Variants in MPPED1 observed in about 807,000 individuals in gnomAD.
MPPED1 encodes the protein metallophosphoesterase domain-containing protein 1.
In MPPED1, 16 loss-of-function variants were observed where a neutral mutation model predicts 36.2. The ratio of observed to expected loss-of-function variants is 0.44; its 90% confidence interval spans 0.30 to 0.67. MPPED1 has a LOEUF of 0.67. Ranked by LOEUF, MPPED1 falls within the 30% of genes least tolerant of loss-of-function variation. The probability of loss-of-function intolerance (pLI) is 0.10; values close to 1 mark genes in which losing one functional copy is unlikely to be tolerated. For synonymous variants in MPPED1, 199 were observed against 191.3 expected (o/e 1.04, Z -0.33); for missense variants, 307 against 453.4 (o/e 0.68, Z 2.93).
intron 2 of MPPED1, among the ~76,000 whole-genome samples, chr22:43,431,368 T>A (rs569979883): frequency 2.0e-5 from 3 of 152,250 alleles, no homozygotes; most frequent in South Asian, 2.1e-4. Context: ...TGACTCTTTT[T>A]GCTCTTTCCT....
At chr22:43,467,666 A>T (rs1456766154) in intron 3 of MPPED1, among the ~76,000 whole-genome samples, 2 of 152,218 alleles carry the variant, frequency 1.3e-5, no homozygotes, top group Non-Finnish European at 2.9e-5. Context: ...GAACTGTCAA[A>T]GATGTACTAA....
chr22:43,424,228 T>G (rs1216062936), intron 1 of MPPED1, among the ~76,000 whole-genome samples: 1 of 152,018 alleles, frequency 6.6e-6, no homozygotes, highest in African/African-American at 2.4e-5. Context: ...CGGAGGAGGT[T>G]TTTGCAAAAG....
chr22:43,479,518 G>A (rs561669033), intron 4 of MPPED1, among the ~76,000 whole-genome samples: 15 of 152,326 alleles, frequency 9.8e-5, no homozygotes, highest in South Asian at 6.2e-4. Flanking sequence ...ATAGGCAGGC[G>A]CCCAGGGGAG....
chr22:43,487,579 AG>A (rs1931952253), intron 4 of MPPED1, among the ~76,000 whole-genome samples: 1 of 152,194 alleles, frequency 6.6e-6, no homozygotes, highest in African/African-American at 2.4e-5. Flanking sequence ...CCAGGGGTGC[AG>A]GCCTCTTCCC....
chr22:43,457,297 A>AT (rs1428512894), intron 3 of MPPED1, among the ~76,000 whole-genome samples: 1 of 151,794 alleles, frequency 6.6e-6, no homozygotes, highest in Non-Finnish European at 1.5e-5. Flanking sequence ...CTTCAAATCT[A>AT]TTTTTTTCTG....
intron 3 of MPPED1, among the ~76,000 whole-genome samples, chr22:43,464,291 CTGTGTGTGTGTGTGTGTG>C (rs60119589): frequency 0.038 from 5,534 of 143,902 alleles, 360 homozygotes; most frequent in African/African-American, 0.13. Context: ...TTGGTCAGCT[CTGTGTGTGTGTGTGTGTG>C]TGTGTGTGTG....
At position 43,474,953 on chromosome 22, in the gene MPPED1, C is replaced by T; in HGVS notation, c.624C>T (p.Gly208=). 3 of 1,613,906 alleles carry T rather than the reference C, an allele frequency of 1.9e-6. No homozygotes were observed. Among genetic ancestry groups the T allele is most frequent in the Non-Finnish European group, 2.5e-6 (3 of 1,179,840 alleles). Residue 208 remains glycine, a synonymous_variant, in exon 4 of 7, where the codon GGC becomes GGT. Coordinates refer to ENST00000443721, the MANE Select transcript of MPPED1 (RefSeq NM_001044370.2). The surrounding 1 kb of genome is among the most constrained non-coding windows in gnomAD (Gnocchi z 5.2). ...CCGTGCGGGGCTTCCGGATCTATGGCTCCCCATGGTGAGTGGGCCTGGGTG... is the reference window on the plus strand; with the variant it reads ...CCGTGCGGGGCTTCCGGATCTATGGTTCCCCATGGTGAGTGGGCCTGGGTG... ...EVTVRGFRIY[G]SPWQPWFYGW... is the part of the protein sequence containing the mutation.
intron 3 of MPPED1, among the ~76,000 whole-genome samples, chr22:43,440,394 G>C (rs1294048192): frequency 2.6e-5 from 4 of 152,070 alleles, no homozygotes; most frequent in Non-Finnish European, 5.9e-5. Context: ...TAGCATGCAG[G>C]CCCCCCTGGA....
intron 3 of MPPED1, among the ~76,000 whole-genome samples, chr22:43,468,504 G>A (rs1569079605): frequency 6.6e-6 from 1 of 152,174 alleles, no homozygotes; most frequent in Admixed American, 6.5e-5. Flanking sequence ...CCTACCAGAG[G>A]CTGGTCATTG....
chr22:43,436,290 C>T (rs1167774900), intron 3 of MPPED1, among the ~76,000 whole-genome samples: 1 of 152,182 alleles, frequency 6.6e-6, no homozygotes, highest in Non-Finnish European at 1.5e-5. Context: ...GGGCCGCTCA[C>T]CTTCCTGCGC....
In MPPED1 at chr22:43,412,024, T is replaced by C; in HGVS notation, c.-213T>C. On this transcript the variant is annotated 5_prime_UTR_variant, in exon 1 of 7. Coordinates refer to ENST00000443721, the MANE Select transcript of MPPED1 (RefSeq NM_001044370.2). Reference sequence around the variant, plus strand: ...AGGAGTCTGGCTCCCACTTGCAGCCTCGGACGCGCGGCGAGGCGGCCGCCG... The same window carrying C: ...AGGAGTCTGGCTCCCACTTGCAGCCCCGGACGCGCGGCGAGGCGGCCGCCG... 1 of 977,652 alleles carries C rather than the reference T, an allele frequency of 1.0e-6. No homozygotes were observed. Among genetic ancestry groups the C allele is most frequent in the East Asian group, 1.2e-4 (1 of 8,500 alleles). The allele number at this position is 977,652 out of a possible 1,614,324, so 60.6% of individuals were successfully genotyped here.
chr22:43,451,861 A>T (rs1930580968), intron 3 of MPPED1, among the ~76,000 whole-genome samples: 1 of 152,056 alleles, frequency 6.6e-6, no homozygotes, highest in South Asian at 2.1e-4. Flanking sequence ...GCTTCGGGGC[A>T]GTTGTCACAT....
At chr22:43,465,481 G>T (rs995659008) in intron 3 of MPPED1, among the ~76,000 whole-genome samples, 22 of 152,248 alleles carry the variant, frequency 1.4e-4, no homozygotes, top group African/African-American at 5.1e-4. Flanking sequence ...TGTGTTGAGT[G>T]TGTACTTATC....
In MPPED1 at chr22:43,417,447, C is replaced by CTT. The variant is rs11431981; in HGVS notation, c.-79+5304_-79+5305dup. On this transcript the variant is annotated intron_variant, in intron 1 of 6. Coordinates refer to ENST00000443721, the MANE Select transcript of MPPED1 (RefSeq NM_001044370.2). Reference sequence around the variant, plus strand: ...GCTTCTTTTCCTTTGAGTCCCTCTGCTTTTTTTTTTTTTTTTCCTTTTATG... The same window carrying CTT: ...GCTTCTTTTCCTTTGAGTCCCTCTGCTTTTTTTTTTTTTTTTTTCCTTTTATG... 1.2e-3 allele frequency among the ~76,000 whole-genome samples: 160 copies of CTT among 132,254 alleles called. 1 individual carries two copies. The Middle Eastern group carries it at 0.016, about 13-fold the overall frequency. 86.8% of individuals were successfully genotyped at this position (132,254 alleles called of 152,430 possible).
At chr22:43,451,297 G>A (rs571191499) in intron 3 of MPPED1, among the ~76,000 whole-genome samples, 1 of 152,246 alleles carries the variant, frequency 6.6e-6, no homozygotes, top group African/African-American at 2.4e-5. Flanking sequence ...GAGCCGCTGC[G>A]CCCAGCTGGT....
At chr22:43,418,868 C>T (rs115002495) in intron 1 of MPPED1, 2,023 of 152,380 alleles carry the variant, frequency 0.013, 18 homozygotes, top group East Asian at 0.053. Context: ...GAGTCTTACT[C>T]GGTGGGGCGA....
intron 2 of MPPED1, among the ~76,000 whole-genome samples, chr22:43,426,910 C>T (rs1013795833): frequency 6.6e-6 from 1 of 152,234 alleles, no homozygotes; most frequent in Non-Finnish European, 1.5e-5. Flanking sequence ...CCCCGGGCCT[C>T]AGGCTTGCCG....
intron 4 of MPPED1, among the ~76,000 whole-genome samples, chr22:43,481,282 T>C (rs1931740942): frequency 6.6e-6 from 1 of 152,202 alleles, no homozygotes; most frequent in Non-Finnish European, 1.5e-5. Context: ...GTAGAAAGCC[T>C]ATCCTCTTTA....
intron 3 of MPPED1, among the ~76,000 whole-genome samples, chr22:43,445,705 G>A (rs1321129874): frequency 1.3e-5 from 2 of 151,380 alleles, no homozygotes; most frequent in African/African-American, 2.4e-5. Context: ...CGAGTAGCTG[G>A]GACTACAGGC....
Sources: allele counts gnomAD v4.1 joint callset (sites outside exome capture counted in the v4.1 genomes callset), GRCh38; gene constraint gnomAD v4.1.1; non-coding constraint Gnocchi (gnomAD v3.1); transcripts MANE v1.5; gene names NCBI Gene and HGNC (gene_info 2026-07-23, HGNC 2026-07-21).